DCC: variants seen among roughly 807,000 people sequenced by gnomAD.
DCC encodes the protein netrin receptor DCC.
Under a neutral mutation model 172.5 loss-of-function variants are expected in DCC, and 58 were observed. That is an observed-to-expected ratio of 0.34 (90% CI 0.27 to 0.42). DCC has a LOEUF of 0.42. Ranked by LOEUF, DCC falls within the 10% of genes least tolerant of loss-of-function variation. The pLI is 1.00. For missense variants in DCC, 1,740 were observed against 1,791.0 expected, an observed-to-expected ratio of 0.97 and a Z score of 0.51; for synonymous variants, 709 against 644.5, an observed-to-expected ratio of 1.10 and a Z score of -1.52.
intron 1 of DCC, among the ~76,000 whole-genome samples, chr18:52,367,398 G>T (rs910240783): frequency 5.3e-5 from 8 of 152,244 alleles, no homozygotes; most frequent in African/African-American, 1.9e-4. Flanking sequence ...GCCAAAGTGG[G>T]AGCCCAGGCA....
chr18:52,923,112 TTAAAAA>T (rs1288196055), intron 3 of DCC, among the ~76,000 whole-genome samples: 1 of 152,048 alleles, frequency 6.6e-6, no homozygotes, highest in Admixed American at 6.6e-5. Flanking sequence ...GTTGTTAAAA[TTAAAAA>T]TAAAAAGCCA....
intron 2 of DCC, 79 bp from the exon 3 acceptor site, chr18:52,905,965 A>C: frequency 1.0e-6 from 1 of 990,200 alleles, no homozygotes; most frequent in Non-Finnish European, 1.6e-6. Context: ...TCTACAAAGA[A>C]TACAAAGTGA....
At chr18:52,715,536 C>A (rs2036365730) in intron 1 of DCC, among the ~76,000 whole-genome samples, 1 of 152,036 alleles carries the variant, frequency 6.6e-6, no homozygotes, top group South Asian at 2.1e-4. Flanking sequence ...AGCTCCTTAC[C>A]TCAAGTCATC....
intron 28 of DCC, 25 bp downstream of exon 28, chr18:53,526,784 C>T (rs1380321552): frequency 6.2e-7 from 1 of 1,612,604 alleles, no homozygotes; most frequent in African/African-American, 1.3e-5. Flanking sequence ...AAAATTCATG[C>T]TTCATCAAGG....
At chr18:53,328,875 G>A (rs1185471752) in intron 14 of DCC, among the ~76,000 whole-genome samples, 1 of 152,078 alleles carries the variant, frequency 6.6e-6, no homozygotes, top group Non-Finnish European at 1.5e-5. Context: ...GGCCATGACT[G>A]CAGTTCTTTC....
intron 7 of DCC, among the ~76,000 whole-genome samples, chr18:53,080,948 T>A (rs977285685): frequency 3.3e-5 from 5 of 152,036 alleles, no homozygotes; most frequent in Non-Finnish European, 7.4e-5. Context: ...CTGGACATAT[T>A]TTACCCAGCT....
intron 7 of DCC, among the ~76,000 whole-genome samples, chr18:53,107,051 T>A (rs1353868551): frequency 6.6e-6 from 1 of 151,874 alleles, no homozygotes; most frequent in Non-Finnish European, 1.5e-5. Flanking sequence ...TCTGGATCTG[T>A]TTGGTAAACA....
chr18:52,388,822 T>A (rs189231896), intron 1 of DCC, among the ~76,000 whole-genome samples: 4 of 152,280 alleles, frequency 2.6e-5, no homozygotes, highest in Non-Finnish European at 5.9e-5. Context: ...CTGTGTGTTA[T>A]TAAGTATATG....
In DCC at chr18:53,479,753, C is replaced by G. The variant is rs528406799; in HGVS notation, c.3737-7044C>G. 4.6e-5 allele frequency among the ~76,000 whole-genome samples: 7 copies of G among 152,256 alleles called. No homozygotes were observed. In the South Asian group the frequency reaches 1.4e-3, roughly 32 times the overall value. ...CCAACTTAGCTTCTAGAAAGAGTTT[C>G]TATTGCAATGTAAAAATACAGATAT... On this transcript the variant is annotated intron_variant, in intron 25 of 28. Transcript: ENST00000442544.
intron 24 of DCC, among the ~76,000 whole-genome samples, chr18:53,466,835 T>G (rs2045627613): frequency 6.6e-6 from 1 of 152,186 alleles, no homozygotes; most frequent in Non-Finnish European, 1.5e-5. Flanking sequence ...CAGGTTTGCG[T>G]AGTTTACTGT....
chr18:52,738,375 A>G (rs1316994742), intron 1 of DCC, among the ~76,000 whole-genome samples: 1 of 152,194 alleles, frequency 6.6e-6, no homozygotes, highest in Non-Finnish European at 1.5e-5. Context: ...CTCATAAACT[A>G]CAAACCTGTA....
At chr18:52,611,747 A>G (rs945687083) in intron 1 of DCC, among the ~76,000 whole-genome samples, 3 of 152,212 alleles carry the variant, frequency 2.0e-5, no homozygotes, top group African/African-American at 7.2e-5. Flanking sequence ...TCTCATCTGT[A>G]TAATAGGATC....
At chr18:53,348,256 G>T (rs2057747657) in intron 15 of DCC, among the ~76,000 whole-genome samples, 1 of 152,106 alleles carries the variant, frequency 6.6e-6, no homozygotes, top group African/African-American at 2.4e-5. Flanking sequence ...CCAAAACAAA[G>T]GGCTATAGGC....
At chr18:53,507,615 T>C (rs2034976534) in intron 27 of DCC, among the ~76,000 whole-genome samples, 1 of 152,222 alleles carries the variant, frequency 6.6e-6, no homozygotes, top group Non-Finnish European at 1.5e-5. Context: ...TGCCTTTATC[T>C]TCTGTGGTAA....
At chr18:53,509,421 A>G (rs2046223676) in intron 27 of DCC, among the ~76,000 whole-genome samples, 2 of 152,238 alleles carry the variant, frequency 1.3e-5, no homozygotes, top group African/African-American at 4.8e-5. Context: ...GTGCCTGGGA[A>G]TCACCTGCAG....
intron 2 of DCC, among the ~76,000 whole-genome samples, chr18:52,818,786 G>A (rs2038350658): frequency 6.6e-6 from 1 of 152,158 alleles, no homozygotes; most frequent in Non-Finnish European, 1.5e-5. Flanking sequence ...GCATAACACA[G>A]ATAAATTGAA....
At chr18:52,469,011 A>G (rs960467459) in intron 1 of DCC, among the ~76,000 whole-genome samples, 2 of 150,936 alleles carry the variant, frequency 1.3e-5, no homozygotes, top group Non-Finnish European at 2.9e-5. Context: ...GCTTTTACTC[A>G]TCAGTGGAAA....
At chr18:53,374,628 T>A (rs931198123) in intron 15 of DCC, among the ~76,000 whole-genome samples, 1 of 152,062 alleles carries the variant, frequency 6.6e-6, no homozygotes, top group Non-Finnish European at 1.5e-5. Flanking sequence ...AATAAAAATA[T>A]AAAAGATAGT....
At chr18:52,610,678 G>A (rs967089712) in intron 1 of DCC, among the ~76,000 whole-genome samples, 8 of 151,998 alleles carry the variant, frequency 5.3e-5, no homozygotes, top group African/African-American at 1.9e-4. Context: ...GAGTCATGCC[G>A]CTTTGGTGAC....
Sources: gnomAD v4.1 joint callset for allele counts (sites outside exome capture counted in the v4.1 genomes callset) on GRCh38, gnomAD v4.1.1 for gene constraint, MANE v1.5 for transcripts, NCBI Gene and HGNC (gene_info 2026-07-23, HGNC 2026-07-21) for gene names.